The following SNAP91 variants were observed in gnomAD, a reference collection of about 807,000 sequenced individuals.
SNAP91 encodes synaptosome associated protein 91, also known as clathrin coat assembly protein AP180.
Under a neutral mutation model 100.3 loss-of-function variants are expected in SNAP91, and 27 were observed. That is an observed-to-expected ratio of 0.27 (90% CI 0.20 to 0.37). The LOEUF is 0.37. SNAP91 is among the 10% of genes least tolerant of loss of function. The pLI, the probability that SNAP91 is intolerant of heterozygous loss-of-function variation, is 1.00. For missense variants in SNAP91, 986 were observed against 1,123.7 expected (o/e 0.88, Z 1.75); for synonymous variants, 404 against 398.6 (o/e 1.01, Z -0.16).
rs1173933071 is a variant in SNAP91, at chr6:83,556,372, A to G, written c.2632-127T>C. ...GAGAGAGAGAGAGAGAGAGAGAGAG[A>G]GAGAGAGAGAGAGAGAGAGAGAGAA... On this transcript the variant is annotated intron_variant, in intron 28 of 29. Coordinates refer to ENST00000369694, the MANE Select transcript of SNAP91 (RefSeq NM_001242792.2). The G allele has an allele frequency of 9.9e-6, 5 of 503,484 alleles. No individual in the cohort carries two copies. In the African/African-American group the frequency reaches 1.0e-4, roughly 10 times the overall value. The allele number at this position is 503,484 out of a possible 1,614,324, so 31.2% of individuals were successfully genotyped here.
intron 2 of SNAP91, chr6:83,678,873 A>G: frequency 8.1e-7 from 1 of 1,233,508 alleles, no homozygotes. Flanking sequence ...AAGGAATACA[A>G]CTTTAGTTCT....
At chr6:83,612,754 G>A (rs1249353138) in intron 11 of SNAP91, among the ~76,000 whole-genome samples, 1 of 151,928 alleles carries the variant, frequency 6.6e-6, no homozygotes, top group African/African-American at 2.4e-5. Context: ...AGCTGGGTGT[G>A]GTGGCACGCG....
intron 26 of SNAP91, among the ~76,000 whole-genome samples, chr6:83,564,335 CT>C (rs59056272): frequency 1.6e-4 from 23 of 144,218 alleles, no homozygotes; most frequent in South Asian, 2.2e-4. Context: ...TTTCTCTTTT[CT>C]TTTTTTTTTT....
At chr6:83,560,709 T>C (rs1488699129) in intron 27 of SNAP91, among the ~76,000 whole-genome samples, 155 bp downstream of exon 27, 1 of 152,240 alleles carries the variant, frequency 6.6e-6, no homozygotes, top group Non-Finnish European at 1.5e-5. Context: ...ACTTCATGTG[T>C]AGACTACCTA....
chr6:83,614,581 T>C (rs2128337044), intron 11 of SNAP91, among the ~76,000 whole-genome samples: 1 of 152,238 alleles, frequency 6.6e-6, no homozygotes, highest in Non-Finnish European at 1.5e-5. Flanking sequence ...ATAAAAAATA[T>C]TTCATTTCTA....
At chr6:83,685,758 G>A (rs182240500) in intron 2 of SNAP91, among the ~76,000 whole-genome samples, 1 of 152,234 alleles carries the variant, frequency 6.6e-6, no homozygotes, top group Admixed American at 6.5e-5. Context: ...CAAAACTGAG[G>A]TTCTCAAAAC....
At chr6:83,626,420 T>C (rs538937276) in intron 8 of SNAP91, among the ~76,000 whole-genome samples, 5 of 152,268 alleles carry the variant, frequency 3.3e-5, no homozygotes, top group South Asian at 2.1e-4. Flanking sequence ...TTGATAGACA[T>C]AGCATTGAAT....
intron 8 of SNAP91, among the ~76,000 whole-genome samples, chr6:83,637,087 TACTC>T (rs2097487492): frequency 6.6e-6 from 1 of 152,176 alleles, no homozygotes; most frequent in Non-Finnish European, 1.5e-5. Flanking sequence ...GATATACTCT[TACTC>T]AGCCAGACAC....
intron 7 of SNAP91, among the ~76,000 whole-genome samples, chr6:83,655,329 T>C (rs1370519531): frequency 6.6e-6 from 1 of 152,214 alleles, no homozygotes; most frequent in African/African-American, 2.4e-5. Flanking sequence ...GCATCTGGTA[T>C]AGTGTCACAT....
At chr6:83,575,999 A>C in intron 25 of SNAP91, 24 bp downstream of exon 25, 1 of 1,338,208 alleles carries the variant, frequency 7.5e-7, no homozygotes. Context: ...TCAAAAGGAA[A>C]TCACATAATT....
intron 2 of SNAP91, among the ~76,000 whole-genome samples, chr6:83,696,233 G>A (rs1562716981): frequency 6.6e-6 from 1 of 152,128 alleles, no homozygotes; most frequent in Non-Finnish European, 1.5e-5. Context: ...AAGAGCTGTA[G>A]GCTCTACACT....
Position 83,593,553 on chromosome 6 carries a change from C to CGGTGGTGGTAGTGGT in SNAP91, c.1620_1621insACCACTACCACCACC (p.Thr540_Ala541insThrThrThrThrThr). 6.4e-7 allele frequency: 1 copy of CGGTGGTGGTAGTGGT among 1,553,720 alleles called. No homozygotes were observed. The highest frequency in any genetic ancestry group is 8.7e-7 in the Non-Finnish European group (1 of 1,147,664). On this transcript the variant is annotated inframe_insertion, in exon 18 of 30. Transcript: ENST00000369694. The stretch of plus-strand genomic sequence containing the variant: ...GTGGTGGTAGTGGTGGTGGCAGCGG[C>CGGTGGTGGTAGTGGT]GGTGGCAGCAGTAGTGGCAGCAGCA...
chr6:83,564,512 GC>G (rs1793818422), intron 26 of SNAP91, among the ~76,000 whole-genome samples: 1 of 151,888 alleles, frequency 6.6e-6, no homozygotes, highest in Admixed American at 6.6e-5. Flanking sequence ...ACAGGTGCAT[GC>G]CACTGCACCC....
At chr6:83,567,010 C>T (rs534924771) in intron 26 of SNAP91, among the ~76,000 whole-genome samples, 1 of 152,288 alleles carries the variant, frequency 6.6e-6, no homozygotes, top group South Asian at 2.1e-4. Context: ...ATAATCATAG[C>T]TCACCGTAGG....
rs77812304 is a variant in SNAP91, at chr6:83,636,964, T to G, written c.765+4132A>C. On this transcript the variant is annotated intron_variant, in intron 8 of 29. Transcript: ENST00000369694. Reference sequence around the variant, plus strand: ...CTAGGTTCTGAGGTTATAGATGGGCTCCTGTGGTGCATTTCAGAGGTGTTG... The same window carrying G: ...CTAGGTTCTGAGGTTATAGATGGGCGCCTGTGGTGCATTTCAGAGGTGTTG... 2.4e-3 allele frequency among the ~76,000 whole-genome samples: 370 copies of G among 152,318 alleles called. 1 individual carries two copies. Among genetic ancestry groups the G allele is most frequent in the Non-Finnish European group, 4.2e-3 (284 of 68,040 alleles).
intron 7 of SNAP91, among the ~76,000 whole-genome samples, chr6:83,643,144 A>C (rs570790437): frequency 3.1e-4 from 47 of 152,030 alleles, no homozygotes; most frequent in African/African-American, 1.1e-3. Context: ...TAGGTTGCCT[A>C]TTCACTCTGA....
At position 83,592,392 on chromosome 6, in the gene SNAP91, G is replaced by A. The variant is rs938622181; in HGVS notation, c.1930+63C>T. On this transcript the variant is annotated intron_variant, in intron 21 of 29. Coordinates refer to ENST00000369694, the MANE Select transcript of SNAP91 (RefSeq NM_001242792.2). ...AAAAATGATGAAATATAATAAAATA[G>A]ATTTAAAAATTATTCTGAAGAAAAA... is the stretch of plus-strand genomic sequence containing the variant. 5.1e-5 allele frequency: 57 copies of A among 1,117,390 alleles called. 1 individual carries two copies. The highest frequency in any genetic ancestry group is 6.7e-5 in the Non-Finnish European group (53 of 791,506). 69.2% of individuals were successfully genotyped at this position (1,117,390 alleles called of 1,614,324 possible). A position where few individuals can be genotyped will look rare whatever the true frequency, so the allele number is the denominator to read the frequency against.
intron 8 of SNAP91, among the ~76,000 whole-genome samples, chr6:83,640,685 A>C (rs910431249): frequency 2.0e-5 from 3 of 152,204 alleles, no homozygotes; most frequent in Non-Finnish European, 2.9e-5. Context: ...TAAGAAAGGT[A>C]AGAATTTATG....
intron 26 of SNAP91, among the ~76,000 whole-genome samples, chr6:83,563,346 A>T (rs1214679027): frequency 1.3e-5 from 2 of 152,148 alleles, no homozygotes; most frequent in Non-Finnish European, 2.9e-5. Context: ...CATGACAAAA[A>T]ATACTCAACG....
Sources: allele counts gnomAD v4.1 joint callset (sites outside exome capture counted in the v4.1 genomes callset), GRCh38; gene constraint gnomAD v4.1.1; transcripts MANE v1.5; gene names NCBI Gene and HGNC (gene_info 2026-07-23, HGNC 2026-07-21).